TRIM24: variants seen among roughly 807,000 people sequenced by gnomAD.
The protein encoded by TRIM24 is tripartite motif containing 24.
A neutral mutation model predicts 123.9 loss-of-function variants in TRIM24; 29 were observed. The ratio of observed to expected loss-of-function variants is 0.23; its 90% confidence interval spans 0.17 to 0.32. TRIM24 has a LOEUF of 0.32. Ranked by LOEUF, TRIM24 falls within the 10% of genes least tolerant of loss-of-function variation. TRIM24 has a pLI of 1.00. For synonymous variants in TRIM24, 456 were observed against 461.1 expected, an observed-to-expected ratio of 0.99 and a Z score of 0.14; for missense variants, 932 against 1,295.3, an observed-to-expected ratio of 0.72 and a Z score of 4.31.
At chr7:138,501,963 G>A (rs1193400061) in intron 1 of TRIM24, among the ~76,000 whole-genome samples, 1 of 151,968 alleles carries the variant, frequency 6.6e-6, no homozygotes, top group Non-Finnish European at 1.5e-5. Context: ...GTAATATGTA[G>A]TGCTTTGTTT....
In TRIM24 at chr7:138,517,382, G is replaced by GT. The variant is rs1026339116; in HGVS notation, c.632-1800dup. 6.1e-4 allele frequency among the ~76,000 whole-genome samples: 93 copies of GT among 151,600 alleles called. No homozygotes were observed. The Middle Eastern group carries it at 0.014, about 22-fold the overall frequency. Reference sequence around the variant, plus strand: ...TGTGTGTTTTGTTTTGTTTTGTTTTGTTTTTTTAGACAGAATCTCACTCCA... The same window carrying GT: ...TGTGTGTTTTGTTTTGTTTTGTTTTGTTTTTTTTAGACAGAATCTCACTCCA... On this transcript the variant is annotated intron_variant, in intron 3 of 18. Coordinates refer to ENST00000343526, the MANE Select transcript of TRIM24 (RefSeq NM_015905.3).
rs1563043522 is a variant in TRIM24, at chr7:138,519,216, C to T, written c.659C>T (p.Pro220Leu). 1 of 1,614,100 alleles carries T rather than the reference C, an allele frequency of 6.2e-7. No homozygotes were observed. The highest frequency in any genetic ancestry group is 8.5e-7 in the Non-Finnish European group (1 of 1,180,004). The change falls in exon 4 of 19, where the codon CCA (proline) becomes CTA (leucine). Residue 220 changes from proline (P) to leucine (L), a missense_variant. This residue lies in a region of TRIM24 where 74 missense variants were observed against 163.6 expected (regional missense o/e 0.45). Coordinates refer to ENST00000343526, the MANE Select transcript of TRIM24 (RefSeq NM_015905.3). ...GCAGTTGGTGTCACCAGCCAGCGAC[C>T]AGTGTTTTGTCCTTTTCATAAAAAG... ...PEAVGVTSQR[P>L]VFCPFHKKEQ...
intron 1 of TRIM24, among the ~76,000 whole-genome samples, chr7:138,484,394 C>A (rs1179535676): frequency 2.0e-5 from 3 of 150,764 alleles, no homozygotes; most frequent in African/African-American, 7.3e-5. Flanking sequence ...TAGGCATGAG[C>A]CACCACGCCT....
At chr7:138,474,128 C>CTTT (rs71177990) in intron 1 of TRIM24, among the ~76,000 whole-genome samples, 50 of 137,218 alleles carry the variant, frequency 3.6e-4, no homozygotes, top group African/African-American at 1.1e-3. Flanking sequence ...TGTACTTTTT[C>CTTT]TTTTTTTTTT....
chr7:138,542,237 C>T (rs1307766614), intron 7 of TRIM24, among the ~76,000 whole-genome samples: 1 of 152,180 alleles, frequency 6.6e-6, no homozygotes, highest in African/African-American at 2.4e-5. Flanking sequence ...AGCTTTGGAC[C>T]TGCCTTCCTC....
intron 7 of TRIM24, among the ~76,000 whole-genome samples, chr7:138,550,811 G>T (rs1250712620): frequency 2.0e-5 from 3 of 152,124 alleles, no homozygotes; most frequent in African/African-American, 7.2e-5. Context: ...TAGTGATTCT[G>T]CAGAGTTTTA....
intron 7 of TRIM24, among the ~76,000 whole-genome samples, chr7:138,541,779 T>A (rs1797009814): frequency 1.3e-5 from 2 of 152,242 alleles, no homozygotes; most frequent in African/African-American, 4.8e-5. Context: ...TGAAATGTGT[T>A]GTTTAGCATA....
intron 5 of TRIM24, among the ~76,000 whole-genome samples, chr7:138,528,761 A>C: frequency 6.9e-6 from 1 of 145,918 alleles, no homozygotes; most frequent in South Asian, 2.3e-4. Flanking sequence ...CATGGTTTAT[A>C]AATCCTTTTT....
chr7:138,521,306 G>T (rs1796499586), intron 4 of TRIM24, among the ~76,000 whole-genome samples: 1 of 152,174 alleles, frequency 6.6e-6, no homozygotes, highest in Non-Finnish European at 1.5e-5. Context: ...GTGCGTATAT[G>T]TATATCACAT....
intron 2 of TRIM24, 28 bp downstream of exon 2, chr7:138,504,436 G>A (rs1426132855): frequency 2.3e-6 from 2 of 888,022 alleles, no homozygotes; most frequent in Non-Finnish European, 3.2e-6. Context: ...TGAACCTTTT[G>A]CCTGCCAGCT....
intron 6 of TRIM24, among the ~76,000 whole-genome samples, chr7:138,533,309 A>G (rs1796788156): frequency 6.6e-6 from 1 of 152,274 alleles, no homozygotes; most frequent in African/African-American, 2.4e-5. Flanking sequence ...TTCAAAGGGA[A>G]TGCTTCCAGT....
At chr7:138,505,488 C>T (rs1453414154) in intron 2 of TRIM24, among the ~76,000 whole-genome samples, 2 of 150,614 alleles carry the variant, frequency 1.3e-5, no homozygotes, top group East Asian at 3.9e-4. Context: ...TTGAAAGCTT[C>T]ATTTGTTTTT....
intron 1 of TRIM24, among the ~76,000 whole-genome samples, chr7:138,478,119 C>T (rs1179868398): frequency 6.6e-6 from 1 of 151,876 alleles, no homozygotes; most frequent in African/African-American, 2.4e-5. Flanking sequence ...ATCAGATTTC[C>T]AACTAAAATT....
At chr7:138,491,559 G>C (rs1795781191) in intron 1 of TRIM24, among the ~76,000 whole-genome samples, 1 of 150,124 alleles carries the variant, frequency 6.7e-6, no homozygotes, top group Non-Finnish European at 1.5e-5. Context: ...TAAGGGTATA[G>C]CACATTTTAT....
At chr7:138,500,038 C>A (rs1159933659) in intron 1 of TRIM24, among the ~76,000 whole-genome samples, 2 of 152,274 alleles carry the variant, frequency 1.3e-5, no homozygotes, top group East Asian at 3.9e-4. Flanking sequence ...TGTCATTTAA[C>A]TCACTTGTGT....
intron 1 of TRIM24, among the ~76,000 whole-genome samples, chr7:138,487,904 G>T (rs1220716879): frequency 6.6e-6 from 1 of 152,172 alleles, no homozygotes; most frequent in African/African-American, 2.4e-5. Context: ...GATTGGAATA[G>T]TTTCAAAAGG....
At chr7:138,523,141 A>C (rs1412888859) in intron 4 of TRIM24, among the ~76,000 whole-genome samples, 2 of 152,202 alleles carry the variant, frequency 1.3e-5, no homozygotes. Flanking sequence ...GTCTTTCAAA[A>C]GACTAGTAAA....
At chr7:138,516,296 C>T (rs968631427) in intron 3 of TRIM24, among the ~76,000 whole-genome samples, 9 of 152,224 alleles carry the variant, frequency 5.9e-5, no homozygotes, top group South Asian at 2.1e-4. Context: ...AGCGAGACTC[C>T]GTCTCAAAAA....
chr7:138,497,177 G>A (rs981946097), intron 1 of TRIM24, among the ~76,000 whole-genome samples: 2 of 151,976 alleles, frequency 1.3e-5, no homozygotes, highest in Admixed American at 6.6e-5. Flanking sequence ...ATTCACCAGT[G>A]GAGCCCTTTG....
Sources: gnomAD v4.1 joint callset for allele counts (sites outside exome capture counted in the v4.1 genomes callset) on GRCh38, gnomAD v4.1.1 for gene constraint, gnomAD v4.1.1 regional missense constraint, MANE v1.5 for transcripts, NCBI Gene and HGNC (gene_info 2026-07-23, HGNC 2026-07-21) for gene names.